Variants in TMEM131 observed in about 807,000 individuals in gnomAD.
TMEM131 encodes the protein 2610524E03Rik.
In TMEM131, 66 loss-of-function variants were observed where a neutral mutation model predicts 211.6. The ratio of observed to expected loss-of-function variants is 0.31; its 90% CI spans 0.26 to 0.38. TMEM131 has a LOEUF of 0.38. Ranked by LOEUF, TMEM131 falls within the 10% of genes least tolerant of loss-of-function variation. The pLI is 1.00. For synonymous variants in TMEM131, 844 were observed against 841.3 expected (o/e 1.00, Z -0.06); for missense variants, 2,036 against 2,299.3 (o/e 0.89, Z 2.34).
intron 2 of TMEM131, among the ~76,000 whole-genome samples, chr2:97,920,211 C>T (rs1308454569): frequency 6.6e-6 from 1 of 152,162 alleles, no homozygotes; most frequent in Non-Finnish European, 1.5e-5. Context: ...TTTTCACAGG[C>T]AGTAGCCCTC....
intron 2 of TMEM131, among the ~76,000 whole-genome samples, chr2:97,924,095 A>G (rs1676873798): frequency 1.4e-5 from 1 of 69,176 alleles, no homozygotes; most frequent in South Asian, 2.9e-4. Flanking sequence ...AAAAAAAGTT[A>G]GATTAGAGGC....
chr2:97,946,532 C>G (rs1413529032), intron 1 of TMEM131, among the ~76,000 whole-genome samples: 1 of 151,936 alleles, frequency 6.6e-6, no homozygotes, highest in Non-Finnish European at 1.5e-5. Flanking sequence ...TACCAAAGGT[C>G]ACTCACAAAA....
chr2:97,822,732 C>T (rs1041416629), intron 11 of TMEM131, among the ~76,000 whole-genome samples: 6 of 152,026 alleles, frequency 3.9e-5, no homozygotes, highest in African/African-American at 1.4e-4. Context: ...GCAACTATTC[C>T]GATCAGCAGG....
chr2:97,958,653 C>A (rs1190976222), intron 1 of TMEM131, among the ~76,000 whole-genome samples: 2 of 152,104 alleles, frequency 1.3e-5, no homozygotes, highest in African/African-American at 4.8e-5. Context: ...ACGCCTAGGG[C>A]AAGTGACCAG....
At chr2:97,983,930 G>A (rs1254841220) in intron 1 of TMEM131, among the ~76,000 whole-genome samples, 1 of 152,168 alleles carries the variant, frequency 6.6e-6, no homozygotes, top group Non-Finnish European at 1.5e-5. Context: ...CCTTTGGAAT[G>A]ATAAGAGAAT....
chr2:97,759,898 A>C, intron 38 of TMEM131, 149 bp from the exon 39 acceptor site: 1 of 636,236 alleles, frequency 1.6e-6, no homozygotes. Flanking sequence ...GAGCTGAACA[A>C]TGGCTGCTTA....
chr2:97,815,151 T>A (rs1681758429), intron 13 of TMEM131, 48 bp downstream of exon 13: 4 of 1,060,550 alleles, frequency 3.8e-6, no homozygotes, highest in Non-Finnish European at 5.3e-6. Flanking sequence ...AAAATATAAT[T>A]TACTGATTAG....
At chr2:97,800,900 T>C (rs1343286815) in intron 25 of TMEM131, among the ~76,000 whole-genome samples, 3 of 152,178 alleles carry the variant, frequency 2.0e-5, no homozygotes, top group Non-Finnish European at 4.4e-5. Context: ...GAGCCGCGCA[T>C]GAGGCTGGAA....
At chr2:97,905,158 C>T (rs1676015741) in intron 3 of TMEM131, among the ~76,000 whole-genome samples, 1 of 152,152 alleles carries the variant, frequency 6.6e-6, no homozygotes, top group African/African-American at 2.4e-5. Flanking sequence ...CAGTCTACTG[C>T]AAATTTTCTC....
At chr2:97,863,689 A>C (rs996859953) in intron 4 of TMEM131, among the ~76,000 whole-genome samples, 1 of 152,204 alleles carries the variant, frequency 6.6e-6, no homozygotes, top group African/African-American at 2.4e-5. Flanking sequence ...TCAAAACCAC[A>C]ATGAGATATC....
In TMEM131 at chr2:97,802,443, T is replaced by A; in HGVS notation, c.2636A>T (p.Asp879Val). ...CAATACTTACCTTGATACTAACTTATCTACAAACACTGAAGGGTTGGAATA... is the reference window on the plus strand; with the variant it reads ...CAATACTTACCTTGATACTAACTTAACTACAAACACTGAAGGGTTGGAATA... ...ALYSNPSVFV[D>V]KLVSRFNLSK... Residue 879 changes from aspartate to valine, a missense_variant, in exon 24 of 41, where the codon GAT (aspartate) becomes GTT (valine). Asp to Val is a radical substitution (Grantham distance 152). Coordinates refer to ENST00000186436, the MANE Select transcript of TMEM131 (RefSeq NM_015348.2). 1 of 1,606,690 alleles carries A rather than the reference T, an allele frequency of 6.2e-7. No homozygotes were observed. Among genetic ancestry groups the A allele is most frequent in the Non-Finnish European group, 8.5e-7 (1 of 1,176,838 alleles).
chr2:97,790,979 T>C (rs1680474776), intron 31 of TMEM131, among the ~76,000 whole-genome samples: 1 of 152,198 alleles, frequency 6.6e-6, no homozygotes, highest in African/African-American at 2.4e-5. Flanking sequence ...TCTTCTGGCC[T>C]CTTAGGGCTG....
chr2:97,926,770 A>ACAAATCAT (rs1441636005), intron 2 of TMEM131, among the ~76,000 whole-genome samples: 1 of 152,216 alleles, frequency 6.6e-6, no homozygotes, highest in Non-Finnish European at 1.5e-5. Context: ...CAGCAAAAAT[A>ACAAATCAT]CAAATCATGC....
chr2:97,976,978 A>AAAAAAAAAG (rs1679566604), intron 1 of TMEM131, among the ~76,000 whole-genome samples: 1 of 146,138 alleles, frequency 6.8e-6, no homozygotes, highest in African/African-American at 2.5e-5. Flanking sequence ...AAAAAAAAAA[A>AAAAAAAAAG]GAACTTGGGT....
At chr2:97,908,788 T>A in intron 2 of TMEM131, 90 bp from the exon 3 acceptor site, 1 of 1,123,330 alleles carries the variant, frequency 8.9e-7, no homozygotes. Flanking sequence ...CTATTTTAGT[T>A]TCAACATTCA....
intron 4 of TMEM131, among the ~76,000 whole-genome samples, chr2:97,881,824 A>T (rs866823045): frequency 1.3e-5 from 2 of 152,028 alleles, no homozygotes; most frequent in African/African-American, 2.4e-5. Context: ...ACTTAATAAC[A>T]TTCATGTTAA....
At chr2:97,904,494 CTT>C (rs968027346) in intron 3 of TMEM131, among the ~76,000 whole-genome samples, 1 of 152,114 alleles carries the variant, frequency 6.6e-6, no homozygotes, top group Non-Finnish European at 1.5e-5. Flanking sequence ...ATTTTTCCAT[CTT>C]TTCTCTAAAA....
chr2:97,933,554 A>T (rs1380389881), intron 1 of TMEM131, among the ~76,000 whole-genome samples: 1 of 152,166 alleles, frequency 6.6e-6, no homozygotes, highest in African/African-American at 2.4e-5. Flanking sequence ...TAACATTGTG[A>T]TTAATGCTAC....
intron 4 of TMEM131, among the ~76,000 whole-genome samples, chr2:97,872,590 G>T (rs1159113811): frequency 6.6e-6 from 1 of 152,112 alleles, no homozygotes; most frequent in African/African-American, 2.4e-5. Context: ...TACAGCCCAC[G>T]GAGGGCGAGC....
Sources: gnomAD v4.1 joint callset for allele counts (sites outside exome capture counted in the v4.1 genomes callset) on GRCh38, gnomAD v4.1.1 for gene constraint, MANE v1.5 for transcripts, NCBI Gene and HGNC (gene_info 2026-07-23, HGNC 2026-07-21) for gene names.